SYNE2: variants seen among roughly 807,000 people sequenced by gnomAD.
SYNE2 encodes the protein nesprin-2.
SYNE2 carries 431 observed loss-of-function variants against 856.3 expected under a neutral mutation model. The observed-to-expected ratio is 0.50, with a 90% CI of 0.47 to 0.55. The LOEUF (loss-of-function observed/expected upper bound fraction) is 0.55, where lower values mean the gene tolerates loss of function less well. Among genes scored for constraint, SYNE2 ranks in the 20% least tolerant of loss-of-function variants. The pLI, the probability that SYNE2 is intolerant of heterozygous loss-of-function variation, is 0.00. For synonymous variants in SYNE2, 2,923 were observed against 2,872.3 expected, an observed-to-expected ratio of 1.02 and a Z score of -0.56; for missense variants, 8,129 against 8,023.2, an observed-to-expected ratio of 1.01 and a Z score of -0.50.
intron 100 of SYNE2, among the ~76,000 whole-genome samples, chr14:64,208,503 T>A (rs2098620763): frequency 1.3e-5 from 2 of 152,216 alleles, no homozygotes; most frequent in South Asian, 4.1e-4. Context: ...CCCATCACCG[T>A]GGCACCCCTC....
chr14:64,177,301 C>G, intron 95 of SYNE2, 57 bp from the exon 96 acceptor site: 1 of 1,602,348 alleles, frequency 6.2e-7, no homozygotes, highest in Non-Finnish European at 8.5e-7. Context: ...TATTCTATTT[C>G]TACAATTCAT....
At chr14:64,142,478 A>G (rs147048533) in intron 82 of SYNE2, among the ~76,000 whole-genome samples, 115 of 152,210 alleles carry the variant, frequency 7.6e-4, no homozygotes, top group Non-Finnish European at 1.3e-3. Context: ...GCCCACGTTT[A>G]ACTGTATACG....
intron 105 of SYNE2, among the ~76,000 whole-genome samples, chr14:64,213,626 G>A (rs749106295): frequency 3.9e-5 from 6 of 152,114 alleles, no homozygotes; most frequent in African/African-American, 9.7e-5. Flanking sequence ...ACATTCAAAT[G>A]TAGTTATTTC....
In SYNE2 at chr14:64,000,539, ATTAAT is replaced by A. The variant is rs760161430; in HGVS notation, c.3481-19_3481-15del. 1.9e-6 allele frequency: 3 copies of A among 1,607,530 alleles called. No homozygotes were observed. The highest frequency in any genetic ancestry group is 2.6e-6 in the Non-Finnish European group (3 of 1,174,716). ...GTCTATTAACCCCATTAGTTGATAA[ATTAAT>A]TTATGTGTTCCATCTAGGTCATAAA... On this transcript the variant is annotated intron_variant, in intron 27 of 115. Transcript: ENST00000555002.
chr14:63,944,824 C>CTTTTTTG (rs2095996567), intron 6 of SYNE2, among the ~76,000 whole-genome samples: 3 of 46,932 alleles, frequency 6.4e-5, no homozygotes, highest in African/African-American at 1.0e-4. Context: ...GGGCTTAAAG[C>CTTTTTTG]TTTTTTTTTT....
rs200961016 is a variant in SYNE2, at chr14:64,041,452, CA to C, written c.7222-6541del. 2.7e-3 allele frequency among the ~76,000 whole-genome samples: 410 copies of C among 152,072 alleles called. 3 individuals are homozygous for C. The Middle Eastern group carries it at 0.027, about 10-fold the overall frequency. ...TATTAGAAGATTAATATCCAGAATA[CA>C]AAAAAATAGCCCCAAATCACTAACA... On this transcript the variant is annotated intron_variant, in intron 45 of 115. Transcript: ENST00000555002.
At chr14:63,858,189 C>T (rs1377518334) in intron 1 of SYNE2, among the ~76,000 whole-genome samples, 2 of 150,366 alleles carry the variant, frequency 1.3e-5, no homozygotes, top group Non-Finnish European at 3.0e-5. Context: ...AGTCTCAGCT[C>T]ACTGCAACCT....
Position 63,939,936 on chromosome 14 carries a change from A to G in SYNE2, c.80-678A>G, listed in dbSNP as rs140891582. The stretch of plus-strand genomic sequence containing the variant: ...ACCTTAATGATTTCATGTGCCATTT[A>G]AAACATCTTCTTATGTTCTGGGGTC... On this transcript the variant is annotated intron_variant, in intron 2 of 115. Coordinates refer to ENST00000555002, the MANE Select transcript of SYNE2 (RefSeq NM_182914.3). Among the ~76,000 whole-genome samples the G allele has an allele frequency of 4.3e-3, 654 of 152,284 alleles. 1 individual carries two copies. Among genetic ancestry groups the G allele is most frequent in the African/African-American group, 0.015 (631 of 41,558 alleles).
At chr14:64,034,318 AT>A (rs2153550919) in intron 45 of SYNE2, among the ~76,000 whole-genome samples, 1 of 152,362 alleles carries the variant, frequency 6.6e-6, no homozygotes, top group South Asian at 2.1e-4. Flanking sequence ...ATGTGAGGAT[AT>A]AGTTGTCACA....
At chr14:64,119,738 C>A in intron 67 of SYNE2, 129 bp downstream of exon 67, 1 of 876,044 alleles carries the variant, frequency 1.1e-6, no homozygotes. Context: ...GAATTTCACA[C>A]ATTAACACCA....
At chr14:63,812,783 T>C (rs1222888596) in intron 1 of SYNE2, among the ~76,000 whole-genome samples, 6 of 152,136 alleles carry the variant, frequency 3.9e-5, no homozygotes, top group Admixed American at 2.6e-4. Context: ...GAACTAATGT[T>C]TATAAAGCCC....
At chr14:63,873,009 G>C (rs11847646) in intron 1 of SYNE2, among the ~76,000 whole-genome samples, 7,872 of 152,078 alleles carry the variant, frequency 0.052, 474 homozygotes, top group African/African-American at 0.14. Flanking sequence ...ACCTGTTCAC[G>C]TCTTTTGCTT....
intron 49 of SYNE2, among the ~76,000 whole-genome samples, chr14:64,058,600 C>T (rs540369536): frequency 6.6e-6 from 1 of 152,286 alleles, no homozygotes; most frequent in East Asian, 1.9e-4. Flanking sequence ...TTGCCTCAGC[C>T]TCCCAGGTAA....
intron 57 of SYNE2, among the ~76,000 whole-genome samples, chr14:64,085,225 A>C (rs2097551991): frequency 6.6e-6 from 1 of 152,176 alleles, no homozygotes; most frequent in Non-Finnish European, 1.5e-5. Flanking sequence ...GGCGCACACA[A>C]CCATGCCTGG....
At chr14:64,017,253 C>T (rs931923330) in intron 33 of SYNE2, among the ~76,000 whole-genome samples, 3 of 137,538 alleles carry the variant, frequency 2.2e-5, no homozygotes, top group South Asian at 2.4e-4. Flanking sequence ...GGCGTGAACT[C>T]GGGAGGCGGA....
intron 1 of SYNE2, among the ~76,000 whole-genome samples, chr14:63,797,935 T>G (rs1458726600): frequency 6.6e-6 from 1 of 152,272 alleles, no homozygotes; most frequent in Non-Finnish European, 1.5e-5. Context: ...TTGCTAGGAC[T>G]TCTTAGCAAA....
chr14:64,053,017 T>C lies in SYNE2; in HGVS notation c.9104T>C (p.Ile3035Thr), dbSNP rs2097239350. ...FEKEKELEEKIKQLDTFEEEH... is the reference protein window; with the variant it reads ...FEKEKELEEKTKQLDTFEEEH... ...AAAGAAAAGGAACTTGAAGAAAAAA[T>C]TAAGCAGTTGGACACATTTGAGGAA... Residue 3035 changes from isoleucine to threonine, a missense_variant, in exon 48 of 116, where the codon ATT (isoleucine) becomes ACT (threonine). Around this residue, in one of 3 missense-constraint regions of SYNE2, gnomAD observed 5,410 missense variants for 5,284.8 expected, o/e 1.02. Transcript: ENST00000555002. The C allele has an allele frequency of 6.2e-7, 1 of 1,612,256 alleles. No individual in the cohort carries two copies. The highest frequency in any genetic ancestry group is 1.3e-5 in the African/African-American group (1 of 74,932).
chr14:64,097,588 A>T (rs1187583539), intron 61 of SYNE2, among the ~76,000 whole-genome samples: 1 of 152,234 alleles, frequency 6.6e-6, no homozygotes, highest in Non-Finnish European at 1.5e-5. Context: ...TGCCCCGTGG[A>T]TCCTGGTTCT....
At chr14:63,819,788 G>A (rs373429544) in intron 1 of SYNE2, among the ~76,000 whole-genome samples, 4 of 144,378 alleles carry the variant, frequency 2.8e-5, no homozygotes, top group African/African-American at 7.7e-5. Flanking sequence ...CACCCGCCTC[G>A]GCCTCCCAAA....
Sources: allele counts gnomAD v4.1 joint callset (sites outside exome capture counted in the v4.1 genomes callset), GRCh38; gene constraint gnomAD v4.1.1; regional missense constraint gnomAD v4.1.1; transcripts MANE v1.5; gene names NCBI Gene and HGNC (gene_info 2026-07-23, HGNC 2026-07-21).